Variants in YWHAZ observed in about 807,000 individuals in gnomAD.
YWHAZ encodes tyrosine 3-monooxygenase/tryptophan 5-monooxygenase activation protein zeta.
For synonymous variants in YWHAZ, 87 were observed against 103.6 expected, an observed-to-expected ratio of 0.84 and a Z score of 0.97; for missense variants, 79 against 284.8, an observed-to-expected ratio of 0.28 and a Z score of 5.20.
At chr8:100,923,840 G>T in intron 5 of YWHAZ, 115 bp downstream of exon 5, 1 of 732,214 alleles carries the variant, frequency 1.4e-6, no homozygotes. Context: ...GAGAGCCTAT[G>T]AAATGTGTTG....
rs1194295532 is a variant in YWHAZ at position 100,919,734 on chromosome 8, TTTAATACACG to T, written c.*949_*958del. The T allele has an allele frequency of 6.6e-6, 1 of 152,606 alleles. No homozygotes were observed. Among genetic ancestry groups the T allele is most frequent in the African/African-American group, 2.4e-5 (1 of 41,432 alleles). The allele number at this position is 152,606 out of a possible 1,614,324, so 9.5% of individuals were successfully genotyped here. A position where few individuals can be genotyped will look rare whatever the true frequency, so the allele number is the denominator to read the frequency against. On this transcript the variant is annotated 3_prime_UTR_variant, in exon 6 of 6. Coordinates refer to ENST00000395958, the MANE Select transcript of YWHAZ (RefSeq NM_145690.3). The stretch of plus-strand genomic sequence containing the variant: ...AAAACTTTTATTCCACTTACATGAA[TTTAATACACG>T]TGTTCTTAACAATTATGCTTGGATT...
At position 100,924,816 on chromosome 8, in the gene YWHAZ, C is replaced by T; in HGVS notation, c.418+100G>A. 6.7e-7 allele frequency: 1 copy of T among 1,501,698 alleles called. No homozygotes were observed. Among genetic ancestry groups the T allele is most frequent in the Non-Finnish European group, 9.1e-7 (1 of 1,103,448 alleles). The allele number at this position is 1,501,698 out of a possible 1,614,324, so 93.0% of individuals were successfully genotyped here. ...GAGCACTGCTACTCCTTATTCGGCACTCTAAGCAATTCAAAACAAGACATT... is the reference window on the plus strand; with the variant it reads ...GAGCACTGCTACTCCTTATTCGGCATTCTAAGCAATTCAAAACAAGACATT... On this transcript the variant is annotated intron_variant, in intron 3 of 5. Coordinates refer to ENST00000395958, the MANE Select transcript of YWHAZ (RefSeq NM_145690.3). This position sits in a 1 kb window ranked among gnomAD's most constrained non-coding sequence, Gnocchi z 5.7.
chr8:100,918,443 T>TATATATATATATAA lies in YWHAZ; in HGVS notation c.*2249_*2250insTTATATATATATAT, dbSNP rs1417316114. 1.7e-5 allele frequency: 2 copies of TATATATATATATAA among 117,068 alleles called. No individual in the cohort carries two copies. 7.3% of individuals were successfully genotyped at this position (117,068 alleles called of 1,614,324 possible). Reference sequence around the variant, plus strand: ...ATATATATATATATATATATATATATAATTATTTTACCTCCTTGGCTTGGG... The same window carrying TATATATATATATAA: ...ATATATATATATATATATATATATATATATATATATATAAAATTATTTTACCTCCTTGGCTTGGG... On this transcript the variant is annotated 3_prime_UTR_variant, in exon 6 of 6. Coordinates refer to ENST00000395958, the MANE Select transcript of YWHAZ (RefSeq NM_145690.3).
At chr8:100,946,261 G>C (rs1398663203) in intron 2 of YWHAZ, among the ~76,000 whole-genome samples, 2 of 152,196 alleles carry the variant, frequency 1.3e-5, no homozygotes, top group Non-Finnish European at 2.9e-5. Context: ...AAGTTGGGCT[G>C]GACGTGGTGG....
At chr8:100,944,623 A>G (rs1810128496) in intron 2 of YWHAZ, among the ~76,000 whole-genome samples, 4 of 152,352 alleles carry the variant, frequency 2.6e-5, no homozygotes, top group African/African-American at 9.6e-5. Context: ...ACAAAAATAC[A>G]CAATTTTAAA....
chr8:100,925,920 G>C (rs943019580), intron 2 of YWHAZ, among the ~76,000 whole-genome samples: 1 of 151,830 alleles, frequency 6.6e-6, no homozygotes, highest in Non-Finnish European at 1.5e-5. Flanking sequence ...AGTAGAATTA[G>C]GTAAACATTA....
intron 2 of YWHAZ, among the ~76,000 whole-genome samples, chr8:100,946,936 GAAA>G (rs1031026805): frequency 6.9e-6 from 1 of 145,486 alleles, no homozygotes; most frequent in African/African-American, 2.5e-5. Context: ...TTTTATTATA[GAAA>G]AAAAAAATCA....
chr8:100,952,560 TC>T (rs1239758091), upstream of YWHAZ: 6 of 162,900 alleles, frequency 3.7e-5, no homozygotes, highest in East Asian at 1.9e-4. Flanking sequence ...ACCTTTCACA[TC>T]CCCCCACCCC....
intron 2 of YWHAZ, among the ~76,000 whole-genome samples, chr8:100,932,543 A>T (rs1813829905): frequency 6.6e-6 from 1 of 152,242 alleles, no homozygotes; most frequent in South Asian, 2.1e-4. Context: ...TCATGGTGGT[A>T]GTAATTATTT....
intron 2 of YWHAZ, among the ~76,000 whole-genome samples, chr8:100,942,010 TG>T (rs746736913): frequency 1.2e-4 from 18 of 152,340 alleles, no homozygotes; most frequent in Admixed American, 2.0e-4. Context: ...AATACTTGGC[TG>T]AAACTATCCT....
chr8:100,936,711 G>A (rs1171428587), intron 2 of YWHAZ, among the ~76,000 whole-genome samples: 2 of 152,126 alleles, frequency 1.3e-5, no homozygotes, highest in Non-Finnish European at 2.9e-5. Flanking sequence ...TGAGGCAGGT[G>A]AATCGCTTGA....
chr8:100,931,805 T>G (rs1275707124), intron 2 of YWHAZ, among the ~76,000 whole-genome samples: 1 of 152,156 alleles, frequency 6.6e-6, no homozygotes, highest in Admixed American at 6.5e-5. Context: ...TCTTGTACTC[T>G]TAAGTACATC....
rs1227818443 is a variant in YWHAZ, at chr8:100,918,418, A to ATATATT, written c.*2274_*2275insAATATA. On this transcript the variant is annotated 3_prime_UTR_variant, in exon 6 of 6. Coordinates refer to ENST00000395958, the MANE Select transcript of YWHAZ (RefSeq NM_145690.3). Reference sequence around the variant, plus strand: ...TAAAATATAATTACTTTATATATATATATATATATATATATATATATATAT... The same window carrying ATATATT: ...TAAAATATAATTACTTTATATATATATATATTTATATATATATATATATATATATAT... The ATATATT allele has an allele frequency of 7.0e-5, 5 of 71,358 alleles. No homozygotes were observed. Among genetic ancestry groups the ATATATT allele is most frequent in the Admixed American group, 2.7e-4 (2 of 7,458 alleles). The allele number at this position is 71,358 out of a possible 1,614,324, so 4.4% of individuals were successfully genotyped here. A position where few individuals can be genotyped will look rare whatever the true frequency, so the allele number is the denominator to read the frequency against.
At chr8:100,951,905 C>A in intron 1 of YWHAZ, 24 bp downstream of exon 1, 1 of 993,372 alleles carries the variant, frequency 1.0e-6, no homozygotes, top group Non-Finnish European at 1.2e-6. Context: ...GGAAGCGAGG[C>A]GCGGCGGCGG....
At chr8:100,951,363 C>T in intron 1 of YWHAZ, 1 of 984,500 alleles carries the variant, frequency 1.0e-6, no homozygotes, top group Non-Finnish European at 1.2e-6. Context: ...GGGGGAGGGC[C>T]GGGTCCCGCC....
chr8:100,951,979 GGGC>G lies in YWHAZ; in HGVS notation c.-65_-63del, dbSNP rs958265812. ...CGGACGGACGGGCTCAGCAGTCTCT[GGGC>G]GGCGGCGGCGGCAGCAGCGGCGAGG... On this transcript the variant is annotated 5_prime_UTR_variant, in exon 1 of 6. Coordinates refer to ENST00000395958, the MANE Select transcript of YWHAZ (RefSeq NM_145690.3). 2.9e-5 allele frequency: 29 copies of G among 1,004,166 alleles called. No individual in the cohort carries two copies. The South Asian group carries it at 3.2e-4, about 11-fold the overall frequency. 62.2% of individuals were successfully genotyped at this position (1,004,166 alleles called of 1,614,324 possible).
rs1810818073 is a variant in YWHAZ, at chr8:100,951,902, AGGCGCGGCGGC to A, written c.-12+16_-12+26del. The A allele has an allele frequency of 1.0e-6, 1 of 993,296 alleles. No individual in the cohort carries two copies. The highest frequency in any genetic ancestry group is 1.1e-4 in the East Asian group (1 of 8,932). 61.5% of individuals were successfully genotyped at this position (993,296 alleles called of 1,614,324 possible). A position where few individuals can be genotyped will look rare whatever the true frequency, so the allele number is the denominator to read the frequency against. ...GAAGGCTGGCCTGGGACAGGAAGCG[AGGCGCGGCGGC>A]GGCCGGGTTCCTCACCTGTGTCCGG... On this transcript the variant is annotated intron_variant, in intron 1 of 5. Transcript: ENST00000395958.
At chr8:100,933,722 A>T (rs1813921788) in intron 2 of YWHAZ, among the ~76,000 whole-genome samples, 1 of 152,188 alleles carries the variant, frequency 6.6e-6, no homozygotes, top group African/African-American at 2.4e-5. Context: ...ATAAAGGACT[A>T]ACGGCCAGGT....
At chr8:100,942,315 T>C (rs1377905832) in intron 2 of YWHAZ, among the ~76,000 whole-genome samples, 2 of 152,222 alleles carry the variant, frequency 1.3e-5, no homozygotes, top group Non-Finnish European at 2.9e-5. Context: ...TATCACATTA[T>C]ACCTTACCAG....
Sources: allele counts gnomAD v4.1 joint callset (sites outside exome capture counted in the v4.1 genomes callset), GRCh38; gene constraint gnomAD v4.1.1; non-coding constraint Gnocchi (gnomAD v3.1); transcripts MANE v1.5; gene names NCBI Gene and HGNC (gene_info 2026-07-23, HGNC 2026-07-21).